The following SLITRK6 variants were observed in gnomAD, a reference collection of about 807,000 sequenced individuals.
The protein encoded by SLITRK6 is SLIT and NTRK-like protein 6.
SLITRK6 carries 35 observed loss-of-function variants against 55.6 expected under a neutral mutation model. That is an observed-to-expected ratio of 0.63 (90% confidence interval 0.48 to 0.83). The LOEUF is 0.83. Ranked by LOEUF, SLITRK6 falls within the 40% of genes least tolerant of loss-of-function variation. The probability of loss-of-function intolerance (pLI) is 0.00; values close to 1 mark genes in which losing one functional copy is unlikely to be tolerated. For synonymous variants in SLITRK6, 392 were observed against 359.6 expected (o/e 1.09, Z -1.02); for missense variants, 977 against 986.4 (o/e 0.99, Z 0.13).
At position 85,796,039 on chromosome 13, in the gene SLITRK6, C is replaced by G; in HGVS notation, c.470G>C (p.Ser157Thr). 1 of 1,613,142 alleles carries G rather than the reference C, an allele frequency of 6.2e-7. No homozygotes were observed. The highest frequency in any genetic ancestry group is 8.5e-7 in the Non-Finnish European group (1 of 1,179,498). Residue 157 changes from serine to threonine, a missense_variant, in exon 2 of 2, where the codon AGC (serine) becomes ACC (threonine). By Grantham distance (58) the Ser-to-Thr change is moderately conservative. Coordinates refer to ENST00000647374, the MANE Select transcript of SLITRK6 (RefSeq NM_032229.3). ...TAACACTTTGAGTCTGTTGAGCTTG[C>G]TAAAGGCACTTGGTTCAATCACTGT... ...FITVIEPSAFSKLNRLKVLIL... is the reference protein window; with the variant it reads ...FITVIEPSAFTKLNRLKVLIL...
rs1156674707 is a variant in SLITRK6 at position 85,795,967 on chromosome 13, C to T, written c.542G>A (p.Arg181Gln). ...AIESLPPNIF[R>Q]FVPLTHLDLR... The stretch of plus-strand genomic sequence containing the variant: ...ATCTAGATGGGTTAAAGGAACAAAT[C>T]GGAAGATGTTTGGAGGAAGACTCTC... The change falls in exon 2 of 2, where the codon CGA becomes CAA. Residue 181 changes from arginine (R) to glutamine (Q), a missense_variant. Transcript: ENST00000647374. 1 of 1,612,914 alleles carries T rather than the reference C, an allele frequency of 6.2e-7. No individual in the cohort carries two copies. Among genetic ancestry groups the T allele is most frequent in the Non-Finnish European group, 8.5e-7 (1 of 1,179,398 alleles).
Position 85,793,260 on chromosome 13 carries a change from C to T in SLITRK6, c.*723G>A, listed in dbSNP as rs1417875031. 1.3e-5 allele frequency: 2 copies of T among 151,812 alleles called. No individual in the cohort carries two copies. Among genetic ancestry groups the T allele is most frequent in the Non-Finnish European group, 2.9e-5 (2 of 67,816 alleles). 9.4% of individuals were successfully genotyped at this position (151,812 alleles called of 1,614,324 possible). On this transcript the variant is annotated 3_prime_UTR_variant, in exon 2 of 2. Transcript: ENST00000647374. Reference sequence around the variant, plus strand: ...AATGACATACTTTAGTTCACAGCAGCACTGACATTAAAATTGTCTACACAA... The same window carrying T: ...AATGACATACTTTAGTTCACAGCAGTACTGACATTAAAATTGTCTACACAA...
chr13:85,795,165 C>G lies in SLITRK6; in HGVS notation c.1344G>C (p.Lys448Asn). Reference sequence around the variant, plus strand: ...GATTAAAGGTTCCTGGCAGTATTTCCTTAATGGCATTGTATTCAAGATATA... The same window carrying G: ...GATTAAAGGTTCCTGGCAGTATTTCGTTAATGGCATTGTATTCAAGATATA... ...EYLYLEYNAI[K>N]EILPGTFNPM... The change falls in exon 2 of 2, where the codon AAG becomes AAC. Residue 448 changes from lysine to asparagine, a missense_variant. By Grantham distance (94) the Lys-to-Asn change is moderately conservative (BLOSUM62 0). Coordinates refer to ENST00000647374, the MANE Select transcript of SLITRK6 (RefSeq NM_032229.3). 1 of 1,612,786 alleles carries G rather than the reference C, an allele frequency of 6.2e-7. No individual in the cohort carries two copies. Among genetic ancestry groups the G allele is most frequent in the South Asian group, 1.1e-5 (1 of 91,038 alleles).
chr13:85,796,389 T>C lies in SLITRK6; in HGVS notation c.120A>G (p.Lys40=). ...SCDSLCNCEE[K]DGTMLINCEA... ...CACAATTTATTAGCATTGTGCCATC[T>C]TTTTCCTCACAATTGCAAAGAGAAT... Residue 40 remains lysine (K), a synonymous_variant, in exon 2 of 2, where the codon AAA becomes AAG. Transcript: ENST00000647374. 6.2e-7 allele frequency: 1 copy of C among 1,612,372 alleles called. No homozygotes were observed. Among genetic ancestry groups the C allele is most frequent in the Non-Finnish European group, 8.5e-7 (1 of 1,179,094 alleles).
chr13:85,793,892 TTGA>T lies in SLITRK6; in HGVS notation c.*88_*90del, dbSNP rs983541152. 34 of 1,425,978 alleles carry T rather than the reference TTGA, an allele frequency of 2.4e-5. No homozygotes were observed. The African/African-American group carries it at 4.3e-4, about 18-fold the overall frequency. The allele number at this position is 1,425,978 out of a possible 1,614,324, so 88.3% of individuals were successfully genotyped here. A position where few individuals can be genotyped will look rare whatever the true frequency, so the allele number is the denominator to read the frequency against. On this transcript the variant is annotated 3_prime_UTR_variant, in exon 2 of 2. Transcript: ENST00000647374. ...GTTTACTGCTGTGCTTAGGTTCTGA[TTGA>T]TGACACACTCACGTAAGGCACTTAT...
At position 85,795,763 on chromosome 13, in the gene SLITRK6, C is replaced by A. The variant is rs774793526; in HGVS notation, c.746G>T (p.Ser249Ile). ...TATACTTCCTTTAAAAAATGGAGGG[C>A]TGTTGCAGACAACATCACCAATTAT... ...QSIIGDVVCNSPPFFKGSILS... is the reference protein window; with the variant it reads ...QSIIGDVVCNIPPFFKGSILS... Residue 249 changes from serine (S) to isoleucine (I), a missense_variant, in exon 2 of 2, where the codon AGC becomes ATC. By Grantham distance (142) the Ser-to-Ile change is moderately radical. Transcript: ENST00000647374. The A allele has an allele frequency of 1.2e-6, 2 of 1,612,750 alleles. No homozygotes were observed. The highest frequency in any genetic ancestry group is 1.7e-6 in the Non-Finnish European group (2 of 1,179,338).
At position 85,796,316 on chromosome 13, in the gene SLITRK6, G is replaced by A. The variant is rs1452322661; in HGVS notation, c.193C>T (p.Arg65Ter). ...TTTAATAAGCTTAGTTGGAAAGGTC[G>A]TGATGGTGGCACACTTATTTCAGAT... The part of the protein sequence containing the change: ...MVSEISVPPS[R>*]PFQLSLLNNG... The change falls in exon 2 of 2, where the codon CGA (arginine) becomes TGA (stop). Residue 65 changes from arginine (R) to a stop codon, truncating the protein, a stop_gained. Coordinates refer to ENST00000647374, the MANE Select transcript of SLITRK6 (RefSeq NM_032229.3). LOFTEE classifies it high-confidence loss of function. 3 of 1,612,166 alleles carry A rather than the reference G, an allele frequency of 1.9e-6. No homozygotes were observed. Among genetic ancestry groups the A allele is most frequent in the Non-Finnish European group, 2.5e-6 (3 of 1,179,072 alleles).
In SLITRK6 at chr13:85,796,347, C is replaced by T; in HGVS notation, c.162G>A (p.Lys54=). The change falls in exon 2 of 2, where the codon AAG becomes AAA. Residue 54 remains lysine (K), a synonymous_variant. Transcript: ENST00000647374. ...MLINCEAKGI[K]MVSEISVPPS... ...GTGGCACACTTATTTCAGATACCATCTTGATACCTTTTGCTTCACAATTTA... is the reference window on the plus strand; with the variant it reads ...GTGGCACACTTATTTCAGATACCATTTTGATACCTTTTGCTTCACAATTTA... 6.2e-7 allele frequency: 1 copy of T among 1,612,538 alleles called. No individual in the cohort carries two copies. The highest frequency in any genetic ancestry group is 8.5e-7 in the Non-Finnish European group (1 of 1,179,218).
rs908104932 is a variant in SLITRK6, at chr13:85,793,486, C to A, written c.*497G>T. ...ATTTATAATTGTCAAGTTCCAGTTT[C>A]TTTTGCATTTATTGCAAGAAAGTTA... On this transcript the variant is annotated 3_prime_UTR_variant, in exon 2 of 2. Coordinates refer to ENST00000647374, the MANE Select transcript of SLITRK6 (RefSeq NM_032229.3). 1 of 152,426 alleles carries A rather than the reference C, an allele frequency of 6.6e-6. No individual in the cohort carries two copies. The highest frequency in any genetic ancestry group is 2.4e-5 in the African/African-American group (1 of 41,378). 9.4% of individuals were successfully genotyped at this position (152,426 alleles called of 1,614,324 possible). A position where few individuals can be genotyped will look rare whatever the true frequency, so the allele number is the denominator to read the frequency against.
rs1244843560 is a variant in SLITRK6, at chr13:85,796,277, T to A, written c.232A>T (p.Met78Leu). The A allele has an allele frequency of 2.5e-5, 40 of 1,611,926 alleles. No homozygotes were observed. Among genetic ancestry groups the A allele is most frequent in the Non-Finnish European group, 3.4e-5 (40 of 1,178,956 alleles). The change falls in exon 2 of 2, where the codon ATG becomes TTG. Residue 78 changes from methionine (M) to leucine (L), a missense_variant. By Grantham distance (15) the Met-to-Leu change is conservative. Coordinates refer to ENST00000647374, the MANE Select transcript of SLITRK6 (RefSeq NM_032229.3). Reference sequence around the variant, plus strand: ...CCAGAAAAGTCATTTGTGTGAAGCATCGTCAAGCCGTTATTTAATAAGCTT... The same window carrying A: ...CCAGAAAAGTCATTTGTGTGAAGCAACGTCAAGCCGTTATTTAATAAGCTT... ...QLSLLNNGLT[M>L]LHTNDFSGLT...
chr13:85,794,097 C>T lies in SLITRK6; in HGVS notation c.2412G>A (p.Met804Ile), dbSNP rs763267199. Residue 804 changes from methionine to isoleucine, a missense_variant, in exon 2 of 2, where the codon ATG becomes ATA. Physicochemically the swap from Met to Ile is conservative, Grantham distance 10 (BLOSUM62 1). Transcript: ENST00000647374. Reference sequence around the variant, plus strand: ...CTAATACCTTCCTTGGACGTGAGTACATTAATGTTTCCATTAACTTCAGCT... The same window carrying T: ...CTAATACCTTCCTTGGACGTGAGTATATTAATGTTTCCATTAACTTCAGCT... ...HEELKLMETL[M>I]YSRPRKVLVE... 1 of 1,613,062 alleles carries T rather than the reference C, an allele frequency of 6.2e-7. No homozygotes were observed. Among genetic ancestry groups the T allele is most frequent in the Admixed American group, 1.7e-5 (1 of 59,846 alleles).
rs769498865 is a variant in SLITRK6, at chr13:85,795,756, T to C, written c.753A>G (p.Pro251=). Residue 251 remains proline (P), a synonymous_variant, in exon 2 of 2, where the codon CCA becomes CCG. Transcript: ENST00000647374. ...TACTGAGTATACTTCCTTTAAAAAA[T>C]GGAGGGCTGTTGCAGACAACATCAC... is the stretch of plus-strand genomic sequence containing the variant. ...IIGDVVCNSP[P]FFKGSILSRL... 4.8e-5 allele frequency: 78 copies of C among 1,612,598 alleles called. No individual in the cohort carries two copies. The highest frequency in any genetic ancestry group is 6.4e-5 in the Non-Finnish European group (75 of 1,179,314).
At position 85,795,566 on chromosome 13, in the gene SLITRK6, G is replaced by A. The variant is rs376107628; in HGVS notation, c.943C>T (p.Pro315Ser). 1.9e-6 allele frequency: 3 copies of A among 1,612,706 alleles called. No individual in the cohort carries two copies. The African/African-American group carries it at 4.0e-5, about 22-fold the overall frequency. ...TGAGTGGATGGCTTTGTAATATAAG[G>A]TATCAAACCTGGTGCTTTGGTGGGT... ...KLPTKAPGLI[P>S]YITKPSTQLP... Residue 315 changes from proline to serine, a missense_variant, in exon 2 of 2, where the codon CCT becomes TCT. By Grantham distance (74) the Pro-to-Ser change is moderately conservative. Coordinates refer to ENST00000647374, the MANE Select transcript of SLITRK6 (RefSeq NM_032229.3).
chr13:85,795,975 G>A lies in SLITRK6; in HGVS notation c.534C>T (p.Asn178=), dbSNP rs1874708227. ...NDNAIESLPP[N]IFRFVPLTHL... ...GGGTTAAAGGAACAAATCGGAAGAT[G>A]TTTGGAGGAAGACTCTCAATAGCAT... Residue 178 remains asparagine (N), a synonymous_variant, in exon 2 of 2, where the codon AAC becomes AAT. Transcript: ENST00000647374. 1 of 1,613,064 alleles carries A rather than the reference G, an allele frequency of 6.2e-7. No homozygotes were observed.
rs1490121835 is a variant in SLITRK6, at chr13:85,794,466, G to A, written c.2043C>T (p.His681=). The stretch of plus-strand genomic sequence containing the variant: ...AGACATGAACCATGGGGCTCACCAT[G>A]TGCTGTTCATAGAGTGAGGCAGAGG... ...ERPSASLYEQ[H]MVSPMVHVYR... Residue 681 remains histidine, a synonymous_variant, in exon 2 of 2, where the codon CAC becomes CAT. Coordinates refer to ENST00000647374, the MANE Select transcript of SLITRK6 (RefSeq NM_032229.3). 1 of 1,613,230 alleles carries A rather than the reference G, an allele frequency of 6.2e-7. No homozygotes were observed. Among genetic ancestry groups the A allele is most frequent in the African/African-American group, 1.3e-5 (1 of 74,822 alleles).
At position 85,794,157 on chromosome 13, in the gene SLITRK6, A is replaced by C; in HGVS notation, c.2352T>G (p.Pro784=). 3 of 1,612,884 alleles carry C rather than the reference A, an allele frequency of 1.9e-6. No individual in the cohort carries two copies. The highest frequency in any genetic ancestry group is 1.7e-4 in the Middle Eastern group (1 of 6,052). Reference sequence around the variant, plus strand: ...CTCCAGGATAATGTGCCTCCATATCAGGCTGGAGCTGAGCAATGTTTTTCC... The same window carrying C: ...CTCCAGGATAATGTGCCTCCATATCCGGCTGGAGCTGAGCAATGTTTTTCC... The part of the protein sequence containing the change: ...YLRKNIAQLQ[P]DMEAHYPGAH... Residue 784 remains proline (P), a synonymous_variant, in exon 2 of 2, where the codon CCT becomes CCG. Coordinates refer to ENST00000647374, the MANE Select transcript of SLITRK6 (RefSeq NM_032229.3).
Position 85,794,432 on chromosome 13 carries a change from G to T in SLITRK6, c.2077C>A (p.Pro693Thr). 6.2e-7 allele frequency: 1 copy of T among 1,613,250 alleles called. No individual in the cohort carries two copies. The highest frequency in any genetic ancestry group is 8.5e-7 in the Non-Finnish European group (1 of 1,179,548). ...VSPMVHVYRS[P>T]SFGPKHLEEE... is the part of the protein sequence containing the mutation. The stretch of plus-strand genomic sequence containing the variant: ...TCCAGATGCTTTGGACCAAAGGATG[G>T]ACTTCTATAGACATGAACCATGGGG... The change falls in exon 2 of 2, where the codon CCA becomes ACA. Residue 693 changes from proline (P) to threonine (T), a missense_variant. Coordinates refer to ENST00000647374, the MANE Select transcript of SLITRK6 (RefSeq NM_032229.3).
chr13:85,797,974 A>T (rs1874772119), intron 1 of SLITRK6, among the ~76,000 whole-genome samples: 1 of 151,894 alleles, frequency 6.6e-6, no homozygotes, highest in South Asian at 2.1e-4. Context: ...AAAATTCACA[A>T]TCAGGTAAAA....
chr13:85,794,453 T>A lies in SLITRK6; in HGVS notation c.2056A>T (p.Met686Leu), dbSNP rs1191788783. The A allele has an allele frequency of 6.8e-6, 11 of 1,613,178 alleles. No individual in the cohort carries two copies. The highest frequency in any genetic ancestry group is 1.7e-5 in the Admixed American group (1 of 59,846). The change falls in exon 2 of 2, where the codon ATG (methionine) becomes TTG (leucine). Residue 686 changes from methionine to leucine, a missense_variant. Transcript: ENST00000647374. ...SLYEQHMVSP[M>L]VHVYRSPSFG... Reference sequence around the variant, plus strand: ...GATGGACTTCTATAGACATGAACCATGGGGCTCACCATGTGCTGTTCATAG... The same window carrying A: ...GATGGACTTCTATAGACATGAACCAAGGGGCTCACCATGTGCTGTTCATAG...
Sources: gnomAD v4.1 joint callset for allele counts (sites outside exome capture counted in the v4.1 genomes callset) on GRCh38, gnomAD v4.1.1 for gene constraint, MANE v1.5 for transcripts, NCBI Gene and HGNC (gene_info 2026-07-23, HGNC 2026-07-21) for gene names.